The following PDGFD variants were observed in gnomAD, a reference collection of about 807,000 sequenced individuals.
The protein encoded by PDGFD is platelet derived growth factor D.
Under a neutral mutation model 44.7 loss-of-function variants are expected in PDGFD, and 30 were observed. That is an observed-to-expected ratio of 0.67 (90% CI 0.50 to 0.91). PDGFD has a LOEUF of 0.91. PDGFD is among the 40% of genes least tolerant of loss of function. The pLI, the probability that PDGFD is intolerant of heterozygous loss-of-function variation, is 0.00. For missense variants in PDGFD, 445 were observed against 457.8 expected (o/e 0.97, Z 0.25); for synonymous variants, 173 against 168.4 (o/e 1.03, Z -0.21).
intron 5 of PDGFD, among the ~76,000 whole-genome samples, chr11:103,937,150 G>A (rs1027905589): frequency 7.9e-5 from 12 of 151,898 alleles, no homozygotes; most frequent in African/African-American, 2.9e-4. Flanking sequence ...AAAGAGGAGT[G>A]GATTTGAATT....
chr11:104,052,899 T>C (rs1367254678), intron 1 of PDGFD, among the ~76,000 whole-genome samples: 3 of 120,660 alleles, frequency 2.5e-5, no homozygotes, highest in Non-Finnish European at 5.0e-5. Context: ...TCAGAAAGAC[T>C]CTGTAGGATT....
chr11:104,092,877 T>G (rs965597526), intron 1 of PDGFD, among the ~76,000 whole-genome samples: 4 of 152,178 alleles, frequency 2.6e-5, no homozygotes, highest in South Asian at 2.1e-4. Context: ...ATCTCATATT[T>G]TTATGATTGA....
intron 3 of PDGFD, among the ~76,000 whole-genome samples, chr11:103,961,138 C>T (rs1303079775): frequency 3.3e-5 from 5 of 152,140 alleles, no homozygotes; most frequent in African/African-American, 9.7e-5. Context: ...ATTGCTCTCC[C>T]ACCAAGTACC....
intron 3 of PDGFD, among the ~76,000 whole-genome samples, chr11:103,970,416 G>A (rs1328459571): frequency 6.6e-6 from 1 of 152,014 alleles, no homozygotes; most frequent in Non-Finnish European, 1.5e-5. Context: ...AAAACTATGA[G>A]GCAACTGTTA....
At chr11:104,110,311 A>C (rs887995495) in intron 1 of PDGFD, among the ~76,000 whole-genome samples, 1 of 151,926 alleles carries the variant, frequency 6.6e-6, no homozygotes, top group Non-Finnish European at 1.5e-5. Context: ...AAAATTTTTA[A>C]AAATTAAATT....
At chr11:103,946,341 G>A (rs1222783019) in intron 4 of PDGFD, 3 of 152,188 alleles carry the variant, frequency 2.0e-5, no homozygotes, top group African/African-American at 7.2e-5. Flanking sequence ...AAACTCAAAC[G>A]AGAAGCTTTT....
At chr11:103,970,247 G>A (rs1037372009) in intron 3 of PDGFD, among the ~76,000 whole-genome samples, 2 of 152,032 alleles carry the variant, frequency 1.3e-5, no homozygotes, top group African/African-American at 4.8e-5. Context: ...AATAATTGAT[G>A]CAAGGTGGCT....
intron 1 of PDGFD, among the ~76,000 whole-genome samples, chr11:104,159,653 T>A (rs1862361800): frequency 6.6e-6 from 1 of 152,184 alleles, no homozygotes; most frequent in Admixed American, 6.5e-5. Context: ...TTACTAGTAA[T>A]AATAACTATG....
chr11:103,912,473 G>A (rs1248479291), intron 6 of PDGFD, among the ~76,000 whole-genome samples: 1 of 152,164 alleles, frequency 6.6e-6, no homozygotes, highest in Non-Finnish European at 1.5e-5. Flanking sequence ...AAGAGCTCCT[G>A]AAGGAAGCAC....
chr11:104,153,565 T>C (rs944558217), intron 1 of PDGFD, among the ~76,000 whole-genome samples: 1 of 152,064 alleles, frequency 6.6e-6, no homozygotes, highest in Non-Finnish European at 1.5e-5. Context: ...TGATATAGGA[T>C]CTTTACATTG....
intron 1 of PDGFD, among the ~76,000 whole-genome samples, chr11:104,112,545 T>C (rs1315134913): frequency 1.3e-5 from 2 of 152,128 alleles, no homozygotes; most frequent in Non-Finnish European, 2.9e-5. Flanking sequence ...GAATATAGAT[T>C]CTTCTGTTAT....
At chr11:103,988,173 T>C (rs1859398580) in intron 3 of PDGFD, among the ~76,000 whole-genome samples, 1 of 152,138 alleles carries the variant, frequency 6.6e-6, no homozygotes, top group Admixed American at 6.6e-5. Context: ...TTCGTTTTCC[T>C]CATTTTCTTA....
At chr11:103,930,781 T>A (rs575188546) in intron 5 of PDGFD, among the ~76,000 whole-genome samples, 1 of 152,318 alleles carries the variant, frequency 6.6e-6, no homozygotes, top group East Asian at 1.9e-4. Flanking sequence ...TAACCTGTCA[T>A]TTTCACAATG....
intron 3 of PDGFD, among the ~76,000 whole-genome samples, chr11:103,980,554 T>C (rs35788256): frequency 0.25 from 37,791 of 151,944 alleles, 5,675 homozygotes; most frequent in Admixed American, 0.43. Flanking sequence ...AACTGGGAAG[T>C]GGAATCTCAC....
chr11:104,072,866 T>A lies in PDGFD; in HGVS notation c.125-72611A>T, dbSNP rs550422306. 1.4e-4 allele frequency among the ~76,000 whole-genome samples: 22 copies of A among 152,158 alleles called. No homozygotes were observed. The East Asian group carries it at 3.9e-3, about 27-fold the overall frequency. ...CAGAAATGTGTGGGTTTAGATGACA[T>A]AATGTATATAAATGTCTAATAGTGA... is the stretch of plus-strand genomic sequence containing the variant. On this transcript the variant is annotated intron_variant, in intron 1 of 6. Transcript: ENST00000393158.
chr11:104,061,066 T>C (rs1447472236), intron 1 of PDGFD, among the ~76,000 whole-genome samples: 2 of 152,182 alleles, frequency 1.3e-5, no homozygotes, highest in African/African-American at 2.4e-5. Context: ...TGAATTTGCA[T>C]GGTGTCTGGC....
At chr11:103,969,403 A>G (rs1859067922) in intron 3 of PDGFD, among the ~76,000 whole-genome samples, 1 of 151,330 alleles carries the variant, frequency 6.6e-6, no homozygotes, top group Non-Finnish European at 1.5e-5. Flanking sequence ...GTGTGTGACA[A>G]CTCAAGGTTC....
intron 1 of PDGFD, among the ~76,000 whole-genome samples, chr11:104,131,664 A>G (rs1265531312): frequency 6.6e-6 from 1 of 152,028 alleles, no homozygotes; most frequent in Non-Finnish European, 1.5e-5. Context: ...GTCAACTTAC[A>G]AAGAGTGGCA....
At chr11:104,002,243 T>A (rs1354052042) in intron 1 of PDGFD, among the ~76,000 whole-genome samples, 1 of 152,116 alleles carries the variant, frequency 6.6e-6, no homozygotes, top group Non-Finnish European at 1.5e-5. Context: ...AGGCAATGGG[T>A]CTTGATATGG....
Sources: allele counts gnomAD v4.1 joint callset (sites outside exome capture counted in the v4.1 genomes callset), GRCh38; gene constraint gnomAD v4.1.1; transcripts MANE v1.5; gene names NCBI Gene and HGNC (gene_info 2026-07-23, HGNC 2026-07-21).